RNF212B: variants seen among roughly 807,000 people sequenced by gnomAD.
RNF212B encodes ring finger protein 212B.
RNF212B carries 52 observed loss-of-function variants against 55.5 expected under a neutral mutation model. That is an observed-to-expected ratio of 0.94 (90% confidence interval 0.75 to 1.18). RNF212B has a LOEUF of 1.18. RNF212B is among the 50% of genes most tolerant of loss of function. The pLI, the probability that RNF212B is intolerant of heterozygous loss-of-function variation, is 0.00. For missense variants in RNF212B, 289 were observed against 350.4 expected (o/e 0.82, Z 1.40); for synonymous variants, 99 against 121.4 (o/e 0.82, Z 1.21).
intron 7 of RNF212B, among the ~76,000 whole-genome samples, chr14:23,261,743 T>C (rs1046248798): frequency 3.9e-5 from 6 of 152,116 alleles, no homozygotes; most frequent in African/African-American, 7.2e-5. Flanking sequence ...GGGCGGATCA[T>C]GGGGTCAGGA....
chr14:23,227,374 T>C (rs1018713469), intron 2 of RNF212B, among the ~76,000 whole-genome samples: 1 of 152,060 alleles, frequency 6.6e-6, no homozygotes, highest in African/African-American at 2.4e-5. Context: ...TGGTTGCCTT[T>C]AGGGGAGATG....
At chr14:23,220,904 T>G (rs1014245046) in intron 2 of RNF212B, among the ~76,000 whole-genome samples, 1 of 146,544 alleles carries the variant, frequency 6.8e-6, no homozygotes, top group Non-Finnish European at 1.5e-5. Context: ...GAAAATCACC[T>G]TCACTAAAAG....
chr14:23,258,122 T>C (rs761354448), intron 4 of RNF212B, among the ~76,000 whole-genome samples: 18 of 152,046 alleles, frequency 1.2e-4, no homozygotes, highest in Non-Finnish European at 2.6e-4. Flanking sequence ...GTAGATCACC[T>C]GAGGTCGGAA....
intron 14 of RNF212B, 145 bp from the exon 15 acceptor site, chr14:23,272,674 AAGTT>A (rs985665349): frequency 1.5e-6 from 1 of 651,808 alleles, no homozygotes; most frequent in Non-Finnish European, 2.8e-6. Flanking sequence ...TAGTTTGGAA[AAGTT>A]AGTTATCATG....
At chr14:23,261,443 A>G (rs1445364585) in intron 7 of RNF212B, 1 of 152,380 alleles carries the variant, frequency 6.6e-6, no homozygotes, top group Non-Finnish European at 1.5e-5. Context: ...GATGAAGAGG[A>G]AAGTCTTTAA....
intron 2 of RNF212B, among the ~76,000 whole-genome samples, chr14:23,206,292 C>G (rs1879827169): frequency 6.6e-6 from 1 of 152,200 alleles, no homozygotes; most frequent in Non-Finnish European, 1.5e-5. Flanking sequence ...CCAGGCTGGT[C>G]TTGAACTCCT....
At chr14:23,241,626 G>T (rs549180325) in intron 2 of RNF212B, among the ~76,000 whole-genome samples, 80 of 152,052 alleles carry the variant, frequency 5.3e-4, no homozygotes, top group African/African-American at 1.8e-3. Context: ...GTTTCACCAT[G>T]TTGGCCAGGC....
At chr14:23,271,503 T>G (rs1886082276) in intron 14 of RNF212B, among the ~76,000 whole-genome samples, 1 of 45,772 alleles carries the variant, frequency 2.2e-5, no homozygotes, top group Non-Finnish European at 5.8e-5. Context: ...TTTTGTTTGT[T>G]TTTTTTAATG....
At chr14:23,257,776 T>C (rs1387825261) in intron 4 of RNF212B, among the ~76,000 whole-genome samples, 1 of 152,130 alleles carries the variant, frequency 6.6e-6, no homozygotes. Flanking sequence ...AATTCAAGCA[T>C]AGGTAATCTC....
chr14:23,243,107 C>T, intron 2 of RNF212B, 149 bp from the exon 3 acceptor site: 1 of 584,134 alleles, frequency 1.7e-6, no homozygotes, highest in Non-Finnish European at 3.1e-6. Flanking sequence ...AGTTGATGTC[C>T]TTTTATAACA....
At chr14:23,208,965 A>G (rs574426341) in intron 2 of RNF212B, among the ~76,000 whole-genome samples, 109 of 151,400 alleles carry the variant, frequency 7.2e-4, no homozygotes, top group Admixed American at 1.4e-3. Context: ...TCATCGTGTT[A>G]GCCGGGATGG....
At chr14:23,228,704 G>A (rs1882262546) in intron 2 of RNF212B, among the ~76,000 whole-genome samples, 1 of 151,744 alleles carries the variant, frequency 6.6e-6, no homozygotes, top group African/African-American at 2.4e-5. Context: ...AAAGAACAAA[G>A]AGGATCAAGA....
At chr14:23,263,003 C>A in intron 9 of RNF212B, 33 bp downstream of exon 9, 1 of 1,537,526 alleles carries the variant, frequency 6.5e-7, no homozygotes, top group Non-Finnish European at 8.8e-7. Context: ...AAACTGTTGG[C>A]AAAAGTTGGA....
chr14:23,203,828 C>T (rs1879568550), intron 2 of RNF212B, among the ~76,000 whole-genome samples: 2 of 152,176 alleles, frequency 1.3e-5, no homozygotes, highest in South Asian at 4.1e-4. Context: ...AGTGGCTGTA[C>T]TAGTTTACAT....
intron 2 of RNF212B, among the ~76,000 whole-genome samples, chr14:23,225,951 C>A (rs185710396): frequency 6.6e-6 from 1 of 152,036 alleles, no homozygotes; most frequent in East Asian, 1.9e-4. Flanking sequence ...TCTCATGTAC[C>A]CTGTAAGTAT....
intron 2 of RNF212B, among the ~76,000 whole-genome samples, chr14:23,214,865 C>A (rs184237296): frequency 1.3e-5 from 2 of 152,152 alleles, no homozygotes; most frequent in East Asian, 3.9e-4. Flanking sequence ...GCCACAAATT[C>A]AAAAAGCTGA....
chr14:23,258,497 A>G lies in RNF212B; in HGVS notation c.229-52A>G. On this transcript the variant is annotated intron_variant, in intron 4 of 14. Coordinates refer to ENST00000430154, the MANE Select transcript of RNF212B (RefSeq NM_001282322.3). The stretch of plus-strand genomic sequence containing the variant: ...TGGCTTCCCTTTCTTGCCAGAAGTG[A>G]AGGGAAAGGAGTTATGGGAGAGTAT... 3 of 816,054 alleles carry G rather than the reference A, an allele frequency of 3.7e-6. No individual in the cohort carries two copies. The South Asian group carries it at 5.4e-5, about 15-fold the overall frequency. 50.6% of individuals were successfully genotyped at this position (816,054 alleles called of 1,614,324 possible).
At chr14:23,237,319 G>T (rs558810840), upstream of RNF212B, among the ~76,000 whole-genome samples, 21 of 152,114 alleles carry the variant, frequency 1.4e-4, no homozygotes, top group South Asian at 4.4e-3. Flanking sequence ...TAGTAGAAGC[G>T]GGGTTTCGCC....
intron 2 of RNF212B, among the ~76,000 whole-genome samples, chr14:23,232,086 G>C (rs939208487): frequency 1.3e-5 from 2 of 151,920 alleles, no homozygotes; most frequent in Non-Finnish European, 2.9e-5. Flanking sequence ...TGTGAGGAGC[G>C]TCTCTGCCTG....
Sources: allele counts gnomAD v4.1 joint callset (sites outside exome capture counted in the v4.1 genomes callset), GRCh38; gene constraint gnomAD v4.1.1; transcripts MANE v1.5; gene names NCBI Gene and HGNC (gene_info 2026-07-23, HGNC 2026-07-21).